NAA25: variants seen among roughly 807,000 people sequenced by gnomAD.
NAA25 encodes N-alpha-acetyltransferase 25, NatB auxiliary subunit, also known as N-terminal acetyltransferase B complex subunit NAA25.
NAA25 carries 30 observed loss-of-function variants against 132.5 expected under a neutral mutation model. That is an observed-to-expected ratio of 0.23 (90% confidence interval 0.17 to 0.31). The LOEUF (loss-of-function observed/expected upper bound fraction) is 0.31, where lower values mean the gene tolerates loss of function less well. NAA25 is among the 10% of genes least tolerant of loss of function. The pLI, the probability that NAA25 is intolerant of heterozygous loss-of-function variation, is 1.00. For missense variants in NAA25, 771 were observed against 1,150.4 expected (o/e 0.67, Z 4.77); for synonymous variants, 359 against 401.9 (o/e 0.89, Z 1.28).
intron 12 of NAA25, 22 bp downstream of exon 12, chr12:112,061,159 C>CGCCGTA: frequency 6.5e-7 from 1 of 1,548,456 alleles, no homozygotes. Context: ...GGAACTACTG[C>CGCCGTA]ACATTTTGAA....
At chr12:112,042,576 G>A (rs950678204) in intron 19 of NAA25, among the ~76,000 whole-genome samples, 4 of 150,896 alleles carry the variant, frequency 2.7e-5, no homozygotes, top group Admixed American at 6.6e-5. Flanking sequence ...GTGCCATCTC[G>A]GCTCACTGCA....
intron 5 of NAA25, among the ~76,000 whole-genome samples, chr12:112,079,885 T>C (rs1207124354): frequency 6.6e-6 from 1 of 152,118 alleles, no homozygotes; most frequent in African/African-American, 2.4e-5. Context: ...ATATCAAACA[T>C]TTCAAGGCTC....
intron 2 of NAA25, among the ~76,000 whole-genome samples, chr12:112,091,999 G>A (rs143027750): frequency 2.1e-4 from 32 of 152,332 alleles, no homozygotes; most frequent in African/African-American, 7.5e-4. Flanking sequence ...CCAGCACTTT[G>A]GGAGGCCAAG....
chr12:112,091,999 G>C (rs143027750), intron 2 of NAA25, among the ~76,000 whole-genome samples: 2,007 of 152,328 alleles, frequency 0.013, 53 homozygotes, highest in African/African-American at 0.046. Flanking sequence ...CCAGCACTTT[G>C]GGAGGCCAAG....
chr12:112,030,750 A>C (rs1026336976), intron 23 of NAA25, among the ~76,000 whole-genome samples: 6 of 152,212 alleles, frequency 3.9e-5, no homozygotes, highest in African/African-American at 1.4e-4. Context: ...AATTTTCCTT[A>C]GAAATACAAA....
At chr12:112,103,351 C>T (rs1206331432) in intron 1 of NAA25, among the ~76,000 whole-genome samples, 2 of 152,124 alleles carry the variant, frequency 1.3e-5, no homozygotes, top group Non-Finnish European at 2.9e-5. Context: ...AAAAATAGTC[C>T]AGAATGTCAC....
rs1477273378 is a variant in NAA25, at chr12:112,029,488, A to T, written c.*43T>A. 5 of 1,612,932 alleles carry T rather than the reference A, an allele frequency of 3.1e-6. No homozygotes were observed. Among genetic ancestry groups the T allele is most frequent in the Non-Finnish European group, 3.4e-6 (4 of 1,179,554 alleles). On this transcript the variant is annotated 3_prime_UTR_variant, in exon 24 of 24. Transcript: ENST00000261745. ...TGCTTTTGCCTGGGAAGATGGTGTC[A>T]TATTCTGTTGCAGAGTCATCAGTGC...
chr12:112,105,249 G>A (rs930332016), intron 1 of NAA25, among the ~76,000 whole-genome samples: 2 of 151,766 alleles, frequency 1.3e-5, no homozygotes, highest in Non-Finnish European at 2.9e-5. Context: ...AGCCTGGGAA[G>A]TGGAGGTTAC....
chr12:112,032,667 T>C (rs1215362904), intron 23 of NAA25, among the ~76,000 whole-genome samples: 1 of 152,192 alleles, frequency 6.6e-6, no homozygotes, highest in Non-Finnish European at 1.5e-5. Flanking sequence ...CAAAAAAGAA[T>C]CGTCATTTTA....
At chr12:112,042,186 G>T in intron 19 of NAA25, 82 bp from the exon 20 acceptor site, 1 of 607,426 alleles carries the variant, frequency 1.6e-6, no homozygotes, top group Non-Finnish European at 2.6e-6. Flanking sequence ...CCTGCAAGAA[G>T]TTCATGGGCA....
intron 5 of NAA25, among the ~76,000 whole-genome samples, chr12:112,079,838 T>C (rs1980364): frequency 0.21 from 32,284 of 152,028 alleles, 5,532 homozygotes; most frequent in East Asian, 0.85. Context: ...CATTAACTAA[T>C]CAGCAATATT....
At chr12:112,043,258 G>C in intron 18 of NAA25, 47 bp from the exon 19 acceptor site, 18 of 1,525,594 alleles carry the variant, frequency 1.2e-5, no homozygotes, top group Non-Finnish European at 1.5e-5. Context: ...CCATCTAAAT[G>C]CATACAAAAT....
chr12:112,087,645 T>C (rs779149098), intron 4 of NAA25, 38 bp downstream of exon 4: 7 of 1,423,034 alleles, frequency 4.9e-6, no homozygotes, highest in Non-Finnish European at 6.9e-6. Context: ...CCTCTAATAG[T>C]AAATCCCATA....
intron 10 of NAA25, chr12:112,069,263 T>C (rs1235280795): frequency 3.3e-6 from 1 of 299,520 alleles, no homozygotes; most frequent in Non-Finnish European, 6.3e-6. Flanking sequence ...TCCCACACTT[T>C]GGAAGACTAA....
At chr12:112,063,850 C>G (rs1375026774) in intron 11 of NAA25, 3 of 152,088 alleles carry the variant, frequency 2.0e-5, no homozygotes, top group Non-Finnish European at 4.4e-5. Context: ...GTGACTACTG[C>G]CTCTCAATAT....
chr12:112,083,630 T>TA (rs1235680014), intron 4 of NAA25, among the ~76,000 whole-genome samples: 1 of 152,210 alleles, frequency 6.6e-6, no homozygotes, highest in Non-Finnish European at 1.5e-5. Context: ...CACCTGCTTC[T>TA]AACACTGGGG....
chr12:112,051,283 C>G (rs2078461699), intron 15 of NAA25, among the ~76,000 whole-genome samples: 1 of 152,156 alleles, frequency 6.6e-6, no homozygotes, highest in African/African-American at 2.4e-5. Context: ...GTACAATCAG[C>G]TCACTGCAAC....
At chr12:112,106,062 T>C (rs560247846) in intron 1 of NAA25, among the ~76,000 whole-genome samples, 4 of 152,290 alleles carry the variant, frequency 2.6e-5, no homozygotes, top group Middle Eastern at 3.4e-3. Context: ...CAAATGTGCT[T>C]AAGTGCTGAA....
chr12:112,053,775 C>A, intron 14 of NAA25, 118 bp from the exon 15 acceptor site: 40 of 343,664 alleles, frequency 1.2e-4, no homozygotes, highest in Non-Finnish European at 1.3e-4. Flanking sequence ...TAAGAAAACA[C>A]TAAAACATAC....
Sources: allele counts gnomAD v4.1 joint callset (sites outside exome capture counted in the v4.1 genomes callset), GRCh38; gene constraint gnomAD v4.1.1; transcripts MANE v1.5; gene names NCBI Gene and HGNC (gene_info 2026-07-23, HGNC 2026-07-21).